The following CEP43 variants were observed in gnomAD, a reference collection of about 807,000 sequenced individuals.
CEP43 encodes centrosomal protein 43, also known as FGFR1 oncogene partner.
A neutral mutation model predicts 52.6 loss-of-function variants in CEP43; 36 were observed. That is an observed-to-expected ratio of 0.68 (90% confidence interval 0.52 to 0.90). CEP43 has a LOEUF of 0.90. Ranked by LOEUF, CEP43 falls within the 40% of genes least tolerant of loss-of-function variation. The pLI is 0.00. For synonymous variants in CEP43, 192 were observed against 172.4 expected (o/e 1.11, Z -0.89); for missense variants, 506 against 472.8 (o/e 1.07, Z -0.65).
intron 12 of CEP43, among the ~76,000 whole-genome samples, chr6:167,037,104 C>T (rs1364549811): frequency 6.6e-6 from 1 of 152,260 alleles, no homozygotes; most frequent in African/African-American, 2.4e-5. Context: ...CTGTACCCGG[C>T]GGAAAGGCTT....
intron 12 of CEP43, 95 bp from the exon 13 acceptor site, chr6:167,039,809 A>C (rs1330484979): frequency 1.6e-6 from 2 of 1,235,448 alleles, no homozygotes; most frequent in African/African-American, 3.0e-5. Flanking sequence ...TTGCAGGAGT[A>C]AGGTGGTATC....
In CEP43 at chr6:167,040,106, C is replaced by T; in HGVS notation, c.*128C>T. The T allele has an allele frequency of 1.9e-6, 3 of 1,587,712 alleles. No homozygotes were observed. Among genetic ancestry groups the T allele is most frequent in the Non-Finnish European group, 2.6e-6 (3 of 1,166,046 alleles). On this transcript the variant is annotated 3_prime_UTR_variant, in exon 13 of 13. Coordinates refer to ENST00000366847, the MANE Select transcript of CEP43 (RefSeq NM_007045.4). ...GGTGCCTTGCATTTCAAAAACACTG[C>T]AGATATTTTTTAAAAGTAATTTTCA...
At chr6:167,019,649 T>C (rs1780181032) in intron 7 of CEP43, among the ~76,000 whole-genome samples, 1 of 152,204 alleles carries the variant, frequency 6.6e-6, no homozygotes, top group Non-Finnish European at 1.5e-5. Flanking sequence ...TTAAAATAAT[T>C]CTGTTATGTT....
At chr6:167,011,465 A>T (rs1384135826) in intron 6 of CEP43, 1 of 151,608 alleles carries the variant, frequency 6.6e-6, no homozygotes. Flanking sequence ...ATTAAGCATA[A>T]TGGGAAAAAA....
Position 167,032,639 on chromosome 6 carries a change from A to G in CEP43, c.1025A>G (p.Asn342Ser), listed in dbSNP as rs755409012. 10 of 1,576,992 alleles carry G rather than the reference A, an allele frequency of 6.3e-6. No homozygotes were observed. The highest frequency in any genetic ancestry group is 8.6e-6 in the Non-Finnish European group (10 of 1,157,342). ...GATGATGACTATGTTGATGATTTTA[A>G]TAGGTAAGAAAAACTATTGGGCAAA... ...GEDDDYVDDFNSTSHRSEKSE... is the reference protein window; with the variant it reads ...GEDDDYVDDFSSTSHRSEKSE... The change falls in exon 11 of 13, where the codon AAT (asparagine) becomes AGT (serine). Residue 342 changes from asparagine (N) to serine (S), a missense_variant. By Grantham distance (46) the Asn-to-Ser change is conservative. Transcript: ENST00000366847.
In CEP43 at chr6:167,045,205, A is replaced by T. The variant is rs2114858583; in HGVS notation, c.*5227A>T. On this transcript the variant is annotated 3_prime_UTR_variant, in exon 13 of 13. Coordinates refer to ENST00000366847, the MANE Select transcript of CEP43 (RefSeq NM_007045.4). Reference sequence around the variant, plus strand: ...AACCTCTGCCTCCCAGGTTCAAGCGATTCTCCTGCCTCAGCCTCCTGAGTA... The same window carrying T: ...AACCTCTGCCTCCCAGGTTCAAGCGTTTCTCCTGCCTCAGCCTCCTGAGTA... The T allele has an allele frequency of 6.6e-6, 1 of 150,402 alleles. No homozygotes were observed. Among genetic ancestry groups the T allele is most frequent in the East Asian group, 2.0e-4 (1 of 5,046 alleles). The allele number at this position is 150,402 out of a possible 1,614,324, so 9.3% of individuals were successfully genotyped here. A position where few individuals can be genotyped will look rare whatever the true frequency, so the allele number is the denominator to read the frequency against.
chr6:167,003,702 C>T lies in CEP43; in HGVS notation c.212-21C>T, dbSNP rs751892231. ...CAGTTTTTGAAGATTTGCTTACTTA[C>T]CTTTTTCTTGATCTTTATAGGTCGT... On this transcript the variant is annotated intron_variant, in intron 3 of 12. Transcript: ENST00000366847. 3.9e-6 allele frequency: 6 copies of T among 1,519,284 alleles called. No individual in the cohort carries two copies. The East Asian group carries it at 1.1e-4, about 29-fold the overall frequency. 94.1% of individuals were successfully genotyped at this position (1,519,284 alleles called of 1,614,324 possible).
intron 1 of CEP43, 49 bp from the exon 2 acceptor site, chr6:167,000,011 G>T (rs759585019): frequency 6.6e-7 from 1 of 1,512,116 alleles, no homozygotes; most frequent in Non-Finnish European, 9.2e-7. Context: ...AGCTTGTTGT[G>T]AAAATTGTCT....
Position 167,013,214 on chromosome 6 carries a change from A to G in CEP43, c.520-294A>G, listed in dbSNP as rs372212157. On this transcript the variant is annotated intron_variant, in intron 6 of 12. Transcript: ENST00000366847. Reference sequence around the variant, plus strand: ...AGGAACTCAAGTGAGGCTTATTTAGAATGCTGCTAAAATGTAGCATGAAAG... The same window carrying G: ...AGGAACTCAAGTGAGGCTTATTTAGGATGCTGCTAAAATGTAGCATGAAAG... Among the ~76,000 whole-genome samples the G allele has an allele frequency of 1.4e-4, 22 of 152,336 alleles. No homozygotes were observed. The East Asian group carries it at 2.9e-3, about 20-fold the overall frequency.
intron 7 of CEP43, among the ~76,000 whole-genome samples, chr6:167,022,169 C>T (rs1780247483): frequency 6.6e-6 from 1 of 151,524 alleles, no homozygotes; most frequent in Non-Finnish European, 1.5e-5. Context: ...ATATTTTTCC[C>T]CCTTTGAAAG....
At chr6:167,018,413 C>T (rs578242887) in intron 7 of CEP43, among the ~76,000 whole-genome samples, 28 of 151,948 alleles carry the variant, frequency 1.8e-4, no homozygotes, top group Non-Finnish European at 3.2e-4. Flanking sequence ...TTTTTTGAGA[C>T]GGATTCTCGC....
intron 7 of CEP43, among the ~76,000 whole-genome samples, chr6:167,013,843 T>C (rs142069305): frequency 0.02 from 3,087 of 152,198 alleles, 52 homozygotes; most frequent in East Asian, 0.092. Flanking sequence ...CGTGGTGGTG[T>C]GCGCCTGTAA....
chr6:167,026,543 A>C lies in CEP43; in HGVS notation c.920-4A>C. 6.4e-7 allele frequency: 1 copy of C among 1,563,150 alleles called. No homozygotes were observed. Among genetic ancestry groups the C allele is most frequent in the East Asian group, 2.2e-5 (1 of 44,620 alleles). ...CTAATGTTAATATTTTCTCCTGTTC[A>C]CAGGTAAAAGGGGAAATACAGTTTT... On this transcript the variant is annotated splice_polypyrimidine_tract_variant and splice_region_variant and intron_variant, in intron 9 of 12. Transcript: ENST00000366847.
At chr6:167,032,694 A>G (rs748241499) in intron 11 of CEP43, 52 bp downstream of exon 11, 10 of 1,449,554 alleles carry the variant, frequency 6.9e-6, no homozygotes, top group African/African-American at 1.4e-5. Context: ...TTTGTAAACA[A>G]TTTCCGAACA....
At chr6:167,038,192 T>C (rs994126285) in intron 12 of CEP43, among the ~76,000 whole-genome samples, 12 of 152,268 alleles carry the variant, frequency 7.9e-5, no homozygotes, top group African/African-American at 2.7e-4. Context: ...ATAGGTTAAC[T>C]TTCTAGTTTA....
chr6:167,020,527 C>G (rs1241983852), intron 7 of CEP43, among the ~76,000 whole-genome samples: 1 of 152,210 alleles, frequency 6.6e-6, no homozygotes, highest in African/African-American at 2.4e-5. Context: ...CCATCCATCC[C>G]TTCCTAGATA....
intron 11 of CEP43, among the ~76,000 whole-genome samples, chr6:167,033,115 T>A: frequency 7.6e-6 from 1 of 132,306 alleles, no homozygotes; most frequent in East Asian, 2.1e-4. Context: ...TTTTTTTTTT[T>A]TTTTTTTTTT....
At chr6:167,017,006 A>ATTTT (rs1359388982) in intron 7 of CEP43, among the ~76,000 whole-genome samples, 9 of 145,588 alleles carry the variant, frequency 6.2e-5, no homozygotes, top group African/African-American at 1.8e-4. Context: ...TTTTTTTTTT[A>ATTTT]TTTTTTTGAG....
At chr6:167,003,997 T>A in intron 4 of CEP43, 186 bp downstream of exon 4, 1 of 591,616 alleles carries the variant, frequency 1.7e-6, no homozygotes, top group Non-Finnish European at 2.9e-6. Flanking sequence ...GTGTTGCTGC[T>A]TTGTGTTACT....
Sources: gnomAD v4.1 joint callset for allele counts (sites outside exome capture counted in the v4.1 genomes callset) on GRCh38, gnomAD v4.1.1 for gene constraint, MANE v1.5 for transcripts, NCBI Gene and HGNC (gene_info 2026-07-23, HGNC 2026-07-21) for gene names.